KIAA0825: variants seen among roughly 807,000 people sequenced by gnomAD.
The protein encoded by KIAA0825 is uncharacterized protein KIAA0825.
KIAA0825 carries 119 observed loss-of-function variants against 147.6 expected under a neutral mutation model. The observed-to-expected ratio is 0.81, with a 90% CI of 0.69 to 0.94. The LOEUF (loss-of-function observed/expected upper bound fraction) is 0.94. Ranked by LOEUF, KIAA0825 falls within the 40% of genes least tolerant of loss-of-function variation. The pLI is 0.00. For missense variants in KIAA0825, 1,381 were observed against 1,472.7 expected, an observed-to-expected ratio of 0.94 and a Z score of 1.02; for synonymous variants, 470 against 518.1, an observed-to-expected ratio of 0.91 and a Z score of 1.26.
At chr5:94,559,368 T>G (rs140002393) in intron 2 of KIAA0825, among the ~76,000 whole-genome samples, 1 of 152,330 alleles carries the variant, frequency 6.6e-6, no homozygotes, top group African/African-American at 2.4e-5. Flanking sequence ...CTCTTACGTT[T>G]TCTATGCAAA....
In KIAA0825 at chr5:94,516,943, A is replaced by T. The variant is rs546151338; in HGVS notation, c.970+3305T>A. Among the ~76,000 whole-genome samples, 27 of 152,236 alleles carry T rather than the reference A, an allele frequency of 1.8e-4. No homozygotes were observed. In the South Asian group the frequency reaches 3.7e-3, roughly 21 times the overall value. On this transcript the variant is annotated intron_variant, in intron 5 of 20. Coordinates refer to ENST00000682413, the MANE Select transcript of KIAA0825 (RefSeq NM_001145678.3). ...TGGCGAAACACCATCTCTACTAAAAATACAAAATTAACCGGGCATGGTAGT... is the reference window on the plus strand; with the variant it reads ...TGGCGAAACACCATCTCTACTAAAATTACAAAATTAACCGGGCATGGTAGT...
intron 20 of KIAA0825, among the ~76,000 whole-genome samples, chr5:94,247,626 C>T (rs1315961536): frequency 6.6e-6 from 1 of 152,150 alleles, no homozygotes; most frequent in African/African-American, 2.4e-5. Flanking sequence ...ATTTTGCTGT[C>T]ATTGTCTGTC....
intron 20 of KIAA0825, among the ~76,000 whole-genome samples, chr5:94,237,039 C>CTG: frequency 7.3e-6 from 1 of 136,720 alleles, no homozygotes; most frequent in South Asian, 2.4e-4. Flanking sequence ...CCTAAATAGG[C>CTG]TATATGTGTG....
rs145968172 is a variant in KIAA0825, at chr5:94,420,123, A to G, written c.2498-2758T>C. Among the ~76,000 whole-genome samples, 4 of 152,090 alleles carry G rather than the reference A, an allele frequency of 2.6e-5. No individual in the cohort carries two copies. In the South Asian group the frequency reaches 6.2e-4, roughly 24 times the overall value. ...AGAATTGGTGAAATATTGAGAAGAC[A>G]AGCAGTTGCTGGCAGTGTGATGTGG... On this transcript the variant is annotated intron_variant, in intron 14 of 20. Transcript: ENST00000682413.
At chr5:94,483,101 CA>C (rs1226098139) in intron 6 of KIAA0825, among the ~76,000 whole-genome samples, 2 of 151,990 alleles carry the variant, frequency 1.3e-5, no homozygotes, top group African/African-American at 4.8e-5. Flanking sequence ...TCACCTTTTT[CA>C]AAATTGTTAT....
intron 20 of KIAA0825, among the ~76,000 whole-genome samples, chr5:94,201,053 C>T (rs1273146832): frequency 1.4e-5 from 2 of 144,740 alleles, no homozygotes; most frequent in African/African-American, 5.1e-5. Context: ...TAAACTGTAG[C>T]AGTATCTGCA....
At chr5:94,325,528 A>G (rs535131749) in intron 20 of KIAA0825, among the ~76,000 whole-genome samples, 5 of 152,014 alleles carry the variant, frequency 3.3e-5, no homozygotes, top group Non-Finnish European at 7.4e-5. Flanking sequence ...AATATTCAGC[A>G]TGTGCACATA....
intron 18 of KIAA0825, among the ~76,000 whole-genome samples, chr5:94,387,309 TG>T (rs1749288484): frequency 6.6e-6 from 1 of 152,172 alleles, no homozygotes; most frequent in Non-Finnish European, 1.5e-5. Flanking sequence ...ACTCAAAGTC[TG>T]GGGCACTGGA....
intron 20 of KIAA0825, among the ~76,000 whole-genome samples, chr5:94,383,083 CCT>C (rs1161126617): frequency 6.6e-6 from 1 of 152,212 alleles, no homozygotes; most frequent in African/African-American, 2.4e-5. Context: ...CCTCCTCTCA[CCT>C]CTCCAAATAT....
At chr5:94,470,616 G>A (rs1163086404) in intron 9 of KIAA0825, among the ~76,000 whole-genome samples, 3 of 152,070 alleles carry the variant, frequency 2.0e-5, no homozygotes, top group African/African-American at 7.2e-5. Flanking sequence ...AATGATTTCT[G>A]GCACATTTTG....
chr5:94,491,150 G>T (rs1320714756), intron 5 of KIAA0825, among the ~76,000 whole-genome samples: 10 of 151,996 alleles, frequency 6.6e-5, no homozygotes, highest in African/African-American at 2.4e-4. Context: ...ACGAACATTA[G>T]CCACCCTATT....
intron 20 of KIAA0825, among the ~76,000 whole-genome samples, chr5:94,192,629 A>G (rs1770773259): frequency 6.6e-6 from 1 of 151,930 alleles, no homozygotes; most frequent in Admixed American, 6.6e-5. Context: ...TTTTTTAACT[A>G]CCCTTACCTG....
chr5:94,158,581 A>G (rs1767260728), intron 20 of KIAA0825, among the ~76,000 whole-genome samples: 1 of 152,188 alleles, frequency 6.6e-6, no homozygotes, highest in Non-Finnish European at 1.5e-5. Flanking sequence ...TCTCCAAATA[A>G]TATTGAATAA....
At chr5:94,496,416 A>G (rs1764362220) in intron 5 of KIAA0825, among the ~76,000 whole-genome samples, 1 of 152,206 alleles carries the variant, frequency 6.6e-6, no homozygotes, top group African/African-American at 2.4e-5. Flanking sequence ...CCTTTAAGGA[A>G]AAAGTTTGTC....
At chr5:94,456,701 T>G (rs1759160388) in intron 12 of KIAA0825, among the ~76,000 whole-genome samples, 1 of 152,180 alleles carries the variant, frequency 6.6e-6, no homozygotes, top group African/African-American at 2.4e-5. Context: ...GAAGATTAAG[T>G]GTAATAATGT....
chr5:94,595,710 T>C (rs1248443116), intron 1 of KIAA0825, among the ~76,000 whole-genome samples: 1 of 152,236 alleles, frequency 6.6e-6, no homozygotes, highest in Non-Finnish European at 1.5e-5. Flanking sequence ...TGTTATGCTC[T>C]GCTTCCCTTT....
intron 20 of KIAA0825, among the ~76,000 whole-genome samples, chr5:94,251,478 T>C (rs892060872): frequency 6.6e-6 from 1 of 152,102 alleles, no homozygotes; most frequent in Admixed American, 6.6e-5. Flanking sequence ...AAAAGACTGC[T>C]TGTAATCCTG....
rs972550703 is a variant in KIAA0825, at chr5:94,599,818, G to A, written c.-152-17235C>T. ...CAGCATTCTCTGCCCCAGTAAGACTGCAGGAGGCAATGGAATGCCGCAGAG... is the reference window on the plus strand; with the variant it reads ...CAGCATTCTCTGCCCCAGTAAGACTACAGGAGGCAATGGAATGCCGCAGAG... On this transcript the variant is annotated intron_variant, in intron 1 of 20. Transcript: ENST00000682413. 5.3e-5 allele frequency among the ~76,000 whole-genome samples: 8 copies of A among 152,248 alleles called. No individual in the cohort carries two copies. In the South Asian group the frequency reaches 1.7e-3, roughly 32 times the overall value.
chr5:94,236,492 C>A (rs1775045090), intron 20 of KIAA0825, among the ~76,000 whole-genome samples: 1 of 152,132 alleles, frequency 6.6e-6, no homozygotes. Flanking sequence ...GGTGAAGGTG[C>A]TTTAAACACT....
Sources: gnomAD v4.1 joint callset for allele counts (sites outside exome capture counted in the v4.1 genomes callset) on GRCh38, gnomAD v4.1.1 for gene constraint, MANE v1.5 for transcripts, NCBI Gene and HGNC (gene_info 2026-07-23, HGNC 2026-07-21) for gene names.